Variants in AP4S1 observed in about 807,000 individuals in gnomAD.
The protein encoded by AP4S1 is adaptor related protein complex 4 subunit sigma 1, also known as AP-4 complex subunit sigma-1.
A neutral mutation model predicts 19.8 loss-of-function variants in AP4S1; 23 were observed. That is an observed-to-expected ratio of 1.16 (90% CI 0.84 to 1.65). The LOEUF (loss-of-function observed/expected upper bound fraction) is 1.65. Among genes scored for constraint, AP4S1 ranks in the 40% most tolerant of loss-of-function variants. The probability of loss-of-function intolerance (pLI) is 0.00; values close to 1 mark genes in which losing one functional copy is unlikely to be tolerated. For synonymous variants in AP4S1, 46 were observed against 54.1 expected, an observed-to-expected ratio of 0.85 and a Z score of 0.66; for missense variants, 166 against 172.8, an observed-to-expected ratio of 0.96 and a Z score of 0.22.
chr14:31,060,408 A>G (rs568686620), intron 1 of AP4S1, among the ~76,000 whole-genome samples: 1 of 152,302 alleles, frequency 6.6e-6, no homozygotes, highest in South Asian at 2.1e-4. Context: ...TGTAAAGTGA[A>G]TATTTACTGT....
intron 5 of AP4S1, chr14:31,083,411 G>A (rs1284290151): frequency 9.0e-6 from 4 of 446,748 alleles, no homozygotes; most frequent in African/African-American, 6.2e-5. Context: ...TTTGCTCCAG[G>A]TTTGATCTCA....
In AP4S1 at chr14:31,068,210, C is replaced by G. The variant is rs543848139; in HGVS notation, c.139-1633C>G. Reference sequence around the variant, plus strand: ...ATGAAGAATTTTATTTAAAGAATTACTTAATCCGGTCCTAAACTTGCCAAA... The same window carrying G: ...ATGAAGAATTTTATTTAAAGAATTAGTTAATCCGGTCCTAAACTTGCCAAA... On this transcript the variant is annotated intron_variant, in intron 2 of 5. Coordinates refer to ENST00000542754, the MANE Select transcript of AP4S1 (RefSeq NM_001128126.3). Among the ~76,000 whole-genome samples, 4 of 152,240 alleles carry G rather than the reference C, an allele frequency of 2.6e-5. No homozygotes were observed. The East Asian group carries it at 7.7e-4, about 29-fold the overall frequency.
chr14:31,087,125 C>T (rs1357535452), intron 5 of AP4S1, among the ~76,000 whole-genome samples: 1 of 152,122 alleles, frequency 6.6e-6, no homozygotes, highest in Non-Finnish European at 1.5e-5. Flanking sequence ...TGGTCTTGAA[C>T]TCTGGAGCTC....
intron 4 of AP4S1, among the ~76,000 whole-genome samples, chr14:31,076,023 G>C (rs558476827): frequency 6.6e-6 from 1 of 152,068 alleles, no homozygotes; most frequent in African/African-American, 2.4e-5. Context: ...GGCGTGAGCC[G>C]TCACGCCTGG....
intron 1 of AP4S1, among the ~76,000 whole-genome samples, chr14:31,034,752 G>A (rs1307596499): frequency 6.6e-6 from 1 of 150,814 alleles, no homozygotes; most frequent in African/African-American, 2.4e-5. Context: ...CAAGTAGCTG[G>A]GATTACAGGC....
rs1222457355 is a variant in AP4S1 at position 31,083,470 on chromosome 14, T to C, written c.306+2886T>C. 4 of 449,566 alleles carry C rather than the reference T, an allele frequency of 8.9e-6. 1 individual carries two copies. The highest frequency in any genetic ancestry group is 6.3e-5 in the South Asian group (4 of 63,796). The allele number at this position is 449,566 out of a possible 1,614,324, so 27.8% of individuals were successfully genotyped here. A position where few individuals can be genotyped will look rare whatever the true frequency, so the allele number is the denominator to read the frequency against. On this transcript the variant is annotated intron_variant, in intron 5 of 5. Transcript: ENST00000542754. ...GTAGAGCAGGCAGCAGAGAAGGGCA[T>C]GTGGCACCTCTTTTCTGTTGACACT... is the stretch of plus-strand genomic sequence containing the variant.
intron 5 of AP4S1, among the ~76,000 whole-genome samples, chr14:31,082,688 A>G (rs1384802135): frequency 1.3e-5 from 2 of 151,904 alleles, no homozygotes; most frequent in Admixed American, 1.3e-4. Flanking sequence ...TGAGGTCAGG[A>G]GATCGAGACC....
In AP4S1 at chr14:31,034,839, C is replaced by A. The variant is rs144674202; in HGVS notation, c.-72+9052C>A. On this transcript the variant is annotated intron_variant, in intron 1 of 5. Transcript: ENST00000542754. ...ACAGGGTTCCACCATATTGGCCAGGCTGGTCTCAAACTCCCGACCTCAGGT... is the reference window on the plus strand; with the variant it reads ...ACAGGGTTCCACCATATTGGCCAGGATGGTCTCAAACTCCCGACCTCAGGT... 8.6e-3 allele frequency among the ~76,000 whole-genome samples: 1,304 copies of A among 151,312 alleles called. 24 individuals carry two copies. Among genetic ancestry groups the A allele is most frequent in the African/African-American group, 0.03 (1,234 of 41,228 alleles).
chr14:31,026,586 G>A (rs1027289048), intron 1 of AP4S1: 6 of 170,352 alleles, frequency 3.5e-5, no homozygotes, highest in Admixed American at 1.9e-4. Flanking sequence ...GTTAGAGGGC[G>A]GGGAAAGAGC....
Position 31,072,916 on chromosome 14 carries a change from T to C in AP4S1, c.237T>C (p.Ala79=), listed in dbSNP as rs1203024767. ...TTCTTTTATTGTAGAACGAGATGGC[T>C]ATTTATGAATTCATTCATAACTTTG... The part of the protein sequence containing the change: ...VGVNDTENEM[A]IYEFIHNFVE... Residue 79 remains alanine, a synonymous_variant, in exon 4 of 6, where the codon GCT becomes GCC. Coordinates refer to ENST00000542754, the MANE Select transcript of AP4S1 (RefSeq NM_001128126.3). 6.2e-7 allele frequency: 1 copy of C among 1,613,044 alleles called. No individual in the cohort carries two copies. Among genetic ancestry groups the C allele is most frequent in the Admixed American group, 1.7e-5 (1 of 60,012 alleles).
intron 1 of AP4S1, among the ~76,000 whole-genome samples, chr14:31,058,943 A>G (rs1886283997): frequency 6.6e-6 from 1 of 151,788 alleles, no homozygotes; most frequent in Non-Finnish European, 1.5e-5. Context: ...ACCACTCCCA[A>G]CACTTGTCTA....
At chr14:31,039,041 G>C (rs546683462) in intron 1 of AP4S1, among the ~76,000 whole-genome samples, 1 of 150,370 alleles carries the variant, frequency 6.7e-6, no homozygotes, top group Non-Finnish European at 1.5e-5. Flanking sequence ...AGACGGTCTT[G>C]CTCTGTTGCC....
At chr14:31,026,223 C>T in intron 1 of AP4S1, 1 of 1,381,060 alleles carries the variant, frequency 7.2e-7, no homozygotes, top group African/African-American at 1.5e-5. Flanking sequence ...GGGCGAGACG[C>T]CGACAGCTGG....
intron 4 of AP4S1, among the ~76,000 whole-genome samples, chr14:31,078,934 G>A (rs1040959959): frequency 1.3e-5 from 2 of 152,102 alleles, no homozygotes; most frequent in Non-Finnish European, 1.5e-5. Context: ...TTTATTTTTA[G>A]GTTTGTGAAT....
intron 1 of AP4S1, among the ~76,000 whole-genome samples, chr14:31,042,180 T>C (rs191639795): frequency 6.6e-6 from 1 of 152,182 alleles, no homozygotes; most frequent in Non-Finnish European, 1.5e-5. Flanking sequence ...TAAAACCAAA[T>C]AAAAGAAAGA....
intron 4 of AP4S1, chr14:31,073,288 A>C (rs986068537): frequency 2.3e-5 from 7 of 303,982 alleles, no homozygotes; most frequent in African/African-American, 4.4e-5. Context: ...CAGGAGATGG[A>C]GACCATCCTG....
At position 31,092,888 on chromosome 14, in the gene AP4S1, T is replaced by C; in HGVS notation, c.307-19T>C. 1 of 1,480,300 alleles carries C rather than the reference T, an allele frequency of 6.8e-7. No individual in the cohort carries two copies. The highest frequency in any genetic ancestry group is 9.0e-7 in the Non-Finnish European group (1 of 1,105,650). 91.7% of individuals were successfully genotyped at this position (1,480,300 alleles called of 1,614,324 possible). A position where few individuals can be genotyped will look rare whatever the true frequency, so the allele number is the denominator to read the frequency against. ...TAATAATTTTTAACTTTAAACTAAT[T>C]TCCTTAATATAACCGTAGATAATGT... On this transcript the variant is annotated intron_variant, in intron 5 of 5. Transcript: ENST00000542754.
chr14:31,076,502 A>G (rs1227604149), intron 4 of AP4S1, among the ~76,000 whole-genome samples: 1 of 152,130 alleles, frequency 6.6e-6, no homozygotes, highest in Non-Finnish European at 1.5e-5. Flanking sequence ...CCATTTTTAC[A>G]TTGCATTATT....
chr14:31,079,805 G>A (rs1594705091), intron 4 of AP4S1, among the ~76,000 whole-genome samples: 2 of 152,186 alleles, frequency 1.3e-5, no homozygotes, highest in South Asian at 2.1e-4. Flanking sequence ...CAGCCTGGGC[G>A]ACAGACTGAC....
Sources: allele counts gnomAD v4.1 joint callset (sites outside exome capture counted in the v4.1 genomes callset), GRCh38; gene constraint gnomAD v4.1.1; transcripts MANE v1.5; gene names NCBI Gene and HGNC (gene_info 2026-07-23, HGNC 2026-07-21).